Variants in B3GNT2 observed in about 807,000 individuals in gnomAD.
The protein encoded by B3GNT2 is N-acetyllactosaminide beta-1,3-N-acetylglucosaminyltransferase 2.
B3GNT2 carries 12 observed loss-of-function variants against 27.6 expected under a neutral mutation model. The observed-to-expected ratio is 0.44, with a 90% CI of 0.28 to 0.71. The LOEUF (loss-of-function observed/expected upper bound fraction) is 0.71, where lower values mean the gene tolerates loss of function less well. Ranked by LOEUF, B3GNT2 falls within the 30% of genes least tolerant of loss-of-function variation. The pLI, the probability that B3GNT2 is intolerant of heterozygous loss-of-function variation, is 0.17. For synonymous variants in B3GNT2, 192 were observed against 189.7 expected (o/e 1.01, Z -0.10); for missense variants, 413 against 488.5 (o/e 0.85, Z 1.46).
intron 1 of B3GNT2, among the ~76,000 whole-genome samples, chr2:62,219,883 T>C (rs924344792): frequency 2.0e-5 from 3 of 152,054 alleles, no homozygotes; most frequent in Admixed American, 2.0e-4. Context: ...ATCAAAGCCA[T>C]GTGCTGAGTC....
chr2:62,215,749 T>C (rs1046942526), intron 1 of B3GNT2: 3 of 152,298 alleles, frequency 2.0e-5, no homozygotes, highest in African/African-American at 7.2e-5. Context: ...GTGTGTCCTG[T>C]TGGAGCAGGA....
chr2:62,211,048 G>A (rs1674473593), intron 1 of B3GNT2, among the ~76,000 whole-genome samples: 1 of 152,080 alleles, frequency 6.6e-6, no homozygotes, highest in African/African-American at 2.4e-5. Flanking sequence ...CAACTCATAA[G>A]CTCATTGATT....
chr2:62,222,580 G>A lies in B3GNT2; in HGVS notation c.360G>A (p.Leu120=), dbSNP rs760937734. 9 of 1,614,198 alleles carry A rather than the reference G, an allele frequency of 5.6e-6. No homozygotes were observed. Among genetic ancestry groups the A allele is most frequent in the Non-Finnish European group, 7.6e-6 (9 of 1,180,042 alleles). Residue 120 remains leucine (L), a synonymous_variant, in exon 2 of 2, where the codon CTG becomes CTA. Transcript: ENST00000301998. This position sits in a 1 kb window ranked among gnomAD's most constrained non-coding sequence, Gnocchi z 4.2. The part of the protein sequence containing the change: ...NNLPDRFKDF[L]LYLRCRNYSL... ...TGCCGGACAGATTTAAAGACTTTCT[G>A]CTGTATTTGAGATGCCGCAATTATT...
intron 1 of B3GNT2, among the ~76,000 whole-genome samples, chr2:62,204,266 T>C (rs1476187673): frequency 2.0e-5 from 3 of 150,884 alleles, no homozygotes; most frequent in African/African-American, 7.3e-5. Flanking sequence ...CCTTAGGTGA[T>C]CCACCTGCCT....
chr2:62,202,850 G>GC (rs1674295204), intron 1 of B3GNT2, among the ~76,000 whole-genome samples: 1 of 152,150 alleles, frequency 6.6e-6, no homozygotes, highest in Non-Finnish European at 1.5e-5. Flanking sequence ...CTGGTGATCT[G>GC]CCCTCCTCCT....
At chr2:62,212,716 C>G (rs893191398) in intron 1 of B3GNT2, among the ~76,000 whole-genome samples, 1 of 151,948 alleles carries the variant, frequency 6.6e-6, no homozygotes, top group African/African-American at 2.4e-5. Flanking sequence ...AACCCCTGCC[C>G]TACCAAATTT....
At chr2:62,215,380 ACCC>A (rs1173346996) in intron 1 of B3GNT2, 3 of 152,046 alleles carry the variant, frequency 2.0e-5, no homozygotes, top group Admixed American at 2.0e-4. Flanking sequence ...CCCGGTGAAA[ACCC>A]AGGCCAGGCC....
Position 62,224,600 on chromosome 2 carries a change from C to T in B3GNT2, c.*1186C>T, listed in dbSNP as rs1048789871. 6.0e-6 allele frequency: 1 copy of T among 166,918 alleles called. No individual in the cohort carries two copies. Among genetic ancestry groups the T allele is most frequent in the African/African-American group, 2.4e-5 (1 of 41,394 alleles). The allele number at this position is 166,918 out of a possible 1,614,324, so 10.3% of individuals were successfully genotyped here. ...TGAACTACTAGAGTTTAAAATTCTG[C>T]CAAACTATTACTTATATGTACTATT... On this transcript the variant is annotated 3_prime_UTR_variant, in exon 2 of 2. Transcript: ENST00000301998.
intron 1 of B3GNT2, among the ~76,000 whole-genome samples, chr2:62,207,132 T>A (rs1248585213): frequency 6.6e-6 from 1 of 152,206 alleles, no homozygotes; most frequent in African/African-American, 2.4e-5. Flanking sequence ...AAGACAAATG[T>A]AAACGTTTAT....
intron 1 of B3GNT2, among the ~76,000 whole-genome samples, chr2:62,206,641 C>T (rs1408883438): frequency 1.3e-5 from 2 of 152,220 alleles, no homozygotes; most frequent in African/African-American, 4.8e-5. Context: ...CCTCTCACTT[C>T]CACCTCCCAA....
chr2:62,208,460 A>G lies in B3GNT2; in HGVS notation c.-10+12105A>G, dbSNP rs189929628. Reference sequence around the variant, plus strand: ...TTTGTTTATAGATTTATTTAATTGTATTTGTTTCCTGAGTCATGTTTTTAG... The same window carrying G: ...TTTGTTTATAGATTTATTTAATTGTGTTTGTTTCCTGAGTCATGTTTTTAG... On this transcript the variant is annotated intron_variant, in intron 1 of 1. Coordinates refer to ENST00000301998, the MANE Select transcript of B3GNT2 (RefSeq NM_006577.6). Among the ~76,000 whole-genome samples, 3 of 152,070 alleles carry G rather than the reference A, an allele frequency of 2.0e-5. No homozygotes were observed. The East Asian group carries it at 5.8e-4, about 29-fold the overall frequency.
chr2:62,201,376 T>C (rs1674260769), intron 1 of B3GNT2, among the ~76,000 whole-genome samples: 1 of 152,214 alleles, frequency 6.6e-6, no homozygotes, highest in African/African-American at 2.4e-5. Context: ...TTATGGAGCT[T>C]GTGGAAGAGT....
chr2:62,223,072 T>C lies in B3GNT2; in HGVS notation c.852T>C (p.Asp284=). The C allele has an allele frequency of 6.2e-7, 1 of 1,614,208 alleles. No individual in the cohort carries two copies. Among genetic ancestry groups the C allele is most frequent in the Admixed American group, 1.7e-5 (1 of 60,028 alleles). Residue 284 remains aspartate, a synonymous_variant, in exon 2 of 2, where the codon GAT becomes GAC. Coordinates refer to ENST00000301998, the MANE Select transcript of B3GNT2 (RefSeq NM_006577.6). ...DVIHNAGPHR[D]KKLKYYIPEV... The stretch of plus-strand genomic sequence containing the variant: ...TCCACAATGCTGGACCTCATCGGGA[T>C]AAGAAGCTGAAGTACTACATCCCAG...
intron 1 of B3GNT2, among the ~76,000 whole-genome samples, chr2:62,200,762 T>C (rs1438123718): frequency 2.0e-5 from 3 of 152,208 alleles, no homozygotes; most frequent in Non-Finnish European, 4.4e-5. Context: ...TAGATGTGAC[T>C]TCTGTCATCA....
intron 1 of B3GNT2, among the ~76,000 whole-genome samples, chr2:62,196,668 G>T (rs993658024): frequency 1.3e-5 from 2 of 152,214 alleles, no homozygotes; most frequent in African/African-American, 4.8e-5. Context: ...AACCCATTCC[G>T]TGCCCACCTC....
chr2:62,202,810 A>G (rs991239908), intron 1 of B3GNT2, among the ~76,000 whole-genome samples: 2 of 152,270 alleles, frequency 1.3e-5, no homozygotes, highest in Admixed American at 6.5e-5. Context: ...CTTCAGAGGA[A>G]AGCCAGAGTT....
chr2:62,209,177 T>G (rs911959260), intron 1 of B3GNT2, among the ~76,000 whole-genome samples: 1 of 152,146 alleles, frequency 6.6e-6, no homozygotes, highest in Non-Finnish European at 1.5e-5. Flanking sequence ...TCTGTTTTTA[T>G]GTTGATAGCC....
At chr2:62,216,411 TG>T (rs58197408) in intron 1 of B3GNT2, among the ~76,000 whole-genome samples, 34,892 of 149,064 alleles carry the variant, frequency 0.23, 5,766 homozygotes, top group African/African-American at 0.47. Context: ...TCTTTTTTTT[TG>T]TTTTTTTTAA....
intron 1 of B3GNT2, among the ~76,000 whole-genome samples, chr2:62,202,458 A>G (rs1233567626): frequency 6.6e-6 from 1 of 152,152 alleles, no homozygotes; most frequent in Non-Finnish European, 1.5e-5. Context: ...GTGCTTAGAA[A>G]GGTGTAATAG....
Sources: allele counts gnomAD v4.1 joint callset (sites outside exome capture counted in the v4.1 genomes callset), GRCh38; gene constraint gnomAD v4.1.1; non-coding constraint Gnocchi (gnomAD v3.1); transcripts MANE v1.5; gene names NCBI Gene and HGNC (gene_info 2026-07-23, HGNC 2026-07-21).